The following CREB5 variants were observed in gnomAD, a reference collection of about 807,000 sequenced individuals.
CREB5 encodes cyclic AMP-responsive element-binding protein 5.
A neutral mutation model predicts 57.1 loss-of-function variants in CREB5; 19 were observed. That is an observed-to-expected ratio of 0.33 (90% confidence interval 0.23 to 0.49). The LOEUF (loss-of-function observed/expected upper bound fraction) is 0.49. Among genes scored for constraint, CREB5 ranks in the 20% least tolerant of loss-of-function variants. The pLI is 0.99. For missense variants in CREB5, 579 were observed against 671.6 expected (o/e 0.86, Z 1.52); for synonymous variants, 238 against 238.3 (o/e 1.00, Z 0.01).
chr7:28,560,858 G>GCA (rs1562797232), intron 4 of CREB5, among the ~76,000 whole-genome samples: 2 of 73,602 alleles, frequency 2.7e-5, no homozygotes, highest in African/African-American at 1.1e-4. Context: ...GTGTGTGTGT[G>GCA]CGTGTGCCTG....
At chr7:28,652,732 T>C (rs41330) in intron 5 of CREB5, among the ~76,000 whole-genome samples, 3,052 of 152,294 alleles carry the variant, frequency 0.02, 105 homozygotes, top group African/African-American at 0.07. Context: ...CTTACACATA[T>C]TCACCTGGGA....
intron 1 of CREB5, among the ~76,000 whole-genome samples, chr7:28,371,491 C>CA (rs5883125): frequency 0.025 from 1,948 of 77,062 alleles, 36 homozygotes; most frequent in Non-Finnish European, 0.034. Flanking sequence ...TACTCCATCT[C>CA]AAAAAAAAAA....
chr7:28,816,018 AAAT>A (rs1486925546), intron 9 of CREB5, among the ~76,000 whole-genome samples: 1 of 151,994 alleles, frequency 6.6e-6, no homozygotes, highest in Admixed American at 6.6e-5. Flanking sequence ...GTCTAAATGC[AAAT>A]AATATGACAT....
intron 4 of CREB5, among the ~76,000 whole-genome samples, chr7:28,512,281 G>A (rs1583559441): frequency 6.6e-6 from 1 of 152,320 alleles, no homozygotes; most frequent in East Asian, 1.9e-4. Flanking sequence ...GAGATTGGGT[G>A]GAGTCACCTG....
chr7:28,788,187 T>C (rs1342130125), intron 7 of CREB5, among the ~76,000 whole-genome samples: 1 of 152,144 alleles, frequency 6.6e-6, no homozygotes, highest in Non-Finnish European at 1.5e-5. Flanking sequence ...GTCTGTCCGG[T>C]ACATTGTAGA....
chr7:28,428,393 G>A (rs748413694), intron 1 of CREB5, among the ~76,000 whole-genome samples: 2 of 152,116 alleles, frequency 1.3e-5, no homozygotes, highest in Non-Finnish European at 2.9e-5. Flanking sequence ...GACTGTGTAG[G>A]AGCAAGGGTG....
chr7:28,791,415 C>T (rs999944604), intron 7 of CREB5, among the ~76,000 whole-genome samples: 1 of 152,194 alleles, frequency 6.6e-6, no homozygotes, highest in African/African-American at 2.4e-5. Flanking sequence ...TTATCATCTA[C>T]CATCTTTCTT....
chr7:28,810,151 A>G (rs549795587), intron 9 of CREB5, among the ~76,000 whole-genome samples: 23 of 152,194 alleles, frequency 1.5e-4, no homozygotes, highest in African/African-American at 5.1e-4. Context: ...GGCTTCTCCA[A>G]TAGACTTTAT....
intron 2 of CREB5, 131 bp from the exon 3 acceptor site, chr7:28,494,774 TG>T (rs1046434364): frequency 6.8e-5 from 42 of 616,918 alleles, no homozygotes; most frequent in Middle Eastern, 4.7e-4. Context: ...TTTTTCGAAA[TG>T]TTTTTTTTTT....
rs1562606777 is a variant in CREB5 at position 28,737,574 on chromosome 7, TATATATATATA to T, written c.702+13243_702+13253del. Reference sequence around the variant, plus strand: ...ATATATATATATATATATATATATATATATATATATATATTTTTAACTCCTGTTTCAAAGGA... The same window carrying T: ...ATATATATATATATATATATATATATTATTTTTAACTCCTGTTTCAAAGGA... On this transcript the variant is annotated intron_variant, in intron 7 of 10. Coordinates refer to ENST00000357727, the MANE Select transcript of CREB5 (RefSeq NM_182898.4). 7.0e-3 allele frequency among the ~76,000 whole-genome samples: 239 copies of T among 34,204 alleles called. 1 individual carries two copies. The highest frequency in any genetic ancestry group is 0.02 in the African/African-American group (231 of 11,466). The allele number at this position is 34,204 out of a possible 152,430, so 22.4% of individuals were successfully genotyped here.
chr7:28,581,397 C>T (rs879321077), intron 5 of CREB5, among the ~76,000 whole-genome samples: 4 of 152,164 alleles, frequency 2.6e-5, no homozygotes, highest in East Asian at 1.9e-4. Flanking sequence ...TGAAAAGGCT[C>T]ACCAAGCCAT....
rs563902336 is a variant in CREB5, at chr7:28,786,627, G to A, written c.703-17572G>A. 3.3e-5 allele frequency among the ~76,000 whole-genome samples: 5 copies of A among 152,286 alleles called. No individual in the cohort carries two copies. In the South Asian group the frequency reaches 8.3e-4, roughly 25 times the overall value. On this transcript the variant is annotated intron_variant, in intron 7 of 10. Coordinates refer to ENST00000357727, the MANE Select transcript of CREB5 (RefSeq NM_182898.4). ...TCTTTATAGATAAAAGATAGGGTGG[G>A]GATGGGAGGCAAGTCCTCCTCCCGA...
rs1416148801 is a variant in CREB5, at chr7:28,560,851, T to TGC, written c.292-9513_292-9512insCG. Reference sequence around the variant, plus strand: ...GCGCGCGCGTGTGTGTGTGCGCGTGTGTGTGTGCGTGTGCCTGCGTGCGCG... The same window carrying TGC: ...GCGCGCGCGTGTGTGTGTGCGCGTGTGCGTGTGTGCGTGTGCCTGCGTGCGCG... On this transcript the variant is annotated intron_variant, in intron 4 of 10. Transcript: ENST00000357727. Among the ~76,000 whole-genome samples the TGC allele has an allele frequency of 7.9e-4, 55 of 69,194 alleles. 4 individuals carry two copies. Among genetic ancestry groups the TGC allele is most frequent in the East Asian group, 3.5e-3 (6 of 1,708 alleles). The allele number at this position is 69,194 out of a possible 152,430, so 45.4% of individuals were successfully genotyped here. A position where few individuals can be genotyped will look rare whatever the true frequency, so the allele number is the denominator to read the frequency against.
chr7:28,698,834 A>G (rs1299902621), intron 5 of CREB5, among the ~76,000 whole-genome samples: 6 of 152,226 alleles, frequency 3.9e-5, no homozygotes, highest in Non-Finnish European at 7.3e-5. Flanking sequence ...TCTTCCTGGC[A>G]TGAGGAACAT....
intron 9 of CREB5, among the ~76,000 whole-genome samples, chr7:28,810,514 G>A (rs1307771877): frequency 6.6e-6 from 1 of 152,060 alleles, no homozygotes; most frequent in Non-Finnish European, 1.5e-5. Flanking sequence ...CCAAGGTGCA[G>A]AAACCCCGTC....
At chr7:28,770,629 T>G (rs1041418127) in intron 7 of CREB5, among the ~76,000 whole-genome samples, 1 of 152,232 alleles carries the variant, frequency 6.6e-6, no homozygotes, top group African/African-American at 2.4e-5. Context: ...GTTACATCAA[T>G]GATCATGCTA....
chr7:28,679,430 T>C (rs1222528265), intron 5 of CREB5, among the ~76,000 whole-genome samples: 3 of 152,154 alleles, frequency 2.0e-5, no homozygotes, highest in Non-Finnish European at 4.4e-5. Flanking sequence ...GAGGCAGGCA[T>C]TTACTTTGCA....
intron 4 of CREB5, among the ~76,000 whole-genome samples, chr7:28,522,871 A>G (rs1562773163): frequency 1.3e-5 from 2 of 152,184 alleles, no homozygotes; most frequent in Non-Finnish European, 2.9e-5. Context: ...CACCAAAGGC[A>G]TGTAACCCAC....
rs145475558 is a variant in CREB5, at chr7:28,467,378, C to T, written c.4-20797C>T. On this transcript the variant is annotated intron_variant, in intron 1 of 10. Coordinates refer to ENST00000357727, the MANE Select transcript of CREB5 (RefSeq NM_182898.4). ...ACAAGGGCATTACACACAAACACATCCCATTATTCCGTCCCTGCTTTTTTC... is the reference window on the plus strand; with the variant it reads ...ACAAGGGCATTACACACAAACACATTCCATTATTCCGTCCCTGCTTTTTTC... Among the ~76,000 whole-genome samples, 392 of 152,300 alleles carry T rather than the reference C, an allele frequency of 2.6e-3. 1 individual carries two copies. The highest frequency in any genetic ancestry group is 0.014 in the Middle Eastern group (4 of 294).
Sources: gnomAD v4.1 joint callset for allele counts (sites outside exome capture counted in the v4.1 genomes callset) on GRCh38, gnomAD v4.1.1 for gene constraint, MANE v1.5 for transcripts, NCBI Gene and HGNC (gene_info 2026-07-23, HGNC 2026-07-21) for gene names.